PACRGL: variants seen among roughly 807,000 people sequenced by gnomAD.
PACRGL encodes the protein PACRG-like protein.
Under a neutral mutation model 34.5 loss-of-function variants are expected in PACRGL, and 38 were observed. The ratio of observed to expected loss-of-function variants is 1.10; its 90% confidence interval spans 0.85 to 1.44. The LOEUF (loss-of-function observed/expected upper bound fraction) is 1.44. Ranked by LOEUF, PACRGL falls within the 40% of genes most tolerant of loss-of-function variation. PACRGL has a pLI of 0.00. For synonymous variants in PACRGL, 128 were observed against 100.1 expected (o/e 1.28, Z -1.66); for missense variants, 305 against 281.4 (o/e 1.08, Z -0.60).
chr4:20,712,147 C>T (rs1737559629), intron 5 of PACRGL, among the ~76,000 whole-genome samples: 1 of 151,482 alleles, frequency 6.6e-6, no homozygotes, highest in Admixed American at 6.6e-5. Context: ...CTTTCCTTTT[C>T]CTCCTTCCAT....
At chr4:20,753,992 TGAGCAGG>T (rs1191725190), downstream of PACRGL, among the ~76,000 whole-genome samples, 1 of 152,148 alleles carries the variant, frequency 6.6e-6, no homozygotes, top group East Asian at 1.9e-4. Flanking sequence ...TCCTACAACA[TGAGCAGG>T]AATAGCCCAG....
intron 8 of PACRGL, among the ~76,000 whole-genome samples, chr4:20,737,948 G>A (rs951281110): frequency 4.6e-5 from 7 of 152,140 alleles, no homozygotes; most frequent in South Asian, 2.1e-4. Flanking sequence ...CCTGAGCAAC[G>A]CAGCCAGATC....
At chr4:20,712,369 G>A (rs868132949) in intron 5 of PACRGL, among the ~76,000 whole-genome samples, 5 of 149,074 alleles carry the variant, frequency 3.4e-5, no homozygotes, top group African/African-American at 9.9e-5. Flanking sequence ...ACTAGCTGCA[G>A]ATCGAAACTA....
chr4:20,740,794 A>G (rs991489748), intron 8 of PACRGL, among the ~76,000 whole-genome samples: 3 of 151,956 alleles, frequency 2.0e-5, no homozygotes, highest in African/African-American at 4.8e-5. Flanking sequence ...AGGATTGTCA[A>G]GATCCATCAG....
At chr4:20,710,156 G>T (rs1041431593) in intron 5 of PACRGL, among the ~76,000 whole-genome samples, 1 of 152,112 alleles carries the variant, frequency 6.6e-6, no homozygotes, top group African/African-American at 2.4e-5. Flanking sequence ...ACAACCAATC[G>T]TGTTGACATG....
intron 4 of PACRGL, 117 bp downstream of exon 4, chr4:20,707,987 A>G: frequency 5.1e-6 from 4 of 788,912 alleles, no homozygotes; most frequent in Non-Finnish European, 8.2e-6. Context: ...TGAAATAAAG[A>G]TGACTTTATT....
intron 8 of PACRGL, among the ~76,000 whole-genome samples, chr4:20,741,978 A>G (rs1285852517): frequency 6.6e-6 from 1 of 152,222 alleles, no homozygotes; most frequent in Non-Finnish European, 1.5e-5. Context: ...AGAAGAATGG[A>G]TAAATTCCTG....
Position 20,729,992 on chromosome 4 carries a change from G to T in PACRGL, c.*2651G>T. 7.0e-7 allele frequency: 1 copy of T among 1,436,436 alleles called. No homozygotes were observed. Among genetic ancestry groups the T allele is most frequent in the Non-Finnish European group, 9.3e-7 (1 of 1,071,826 alleles). 89.0% of individuals were successfully genotyped at this position (1,436,436 alleles called of 1,614,324 possible). The stretch of plus-strand genomic sequence containing the variant: ...GCATAATATGCTTCAGTGTCAAGCT[G>T]AGCAATCTATGCTAAAAGTGGTAGC... On this transcript the variant is annotated 3_prime_UTR_variant, in exon 9 of 9. Coordinates refer to ENST00000503585, the MANE Select transcript of PACRGL (RefSeq NM_001258345.3).
chr4:20,745,392 G>A (rs1752200044), intron 8 of PACRGL, among the ~76,000 whole-genome samples: 1 of 152,138 alleles, frequency 6.6e-6, no homozygotes, highest in Non-Finnish European at 1.5e-5. Context: ...GATGATATCA[G>A]TAAAGAGTTA....
At chr4:20,709,962 T>C (rs1430519159) in intron 5 of PACRGL, 189 bp downstream of exon 5, 2 of 502,424 alleles carry the variant, frequency 4.0e-6, no homozygotes, top group East Asian at 6.5e-5. Context: ...AATTGATTAA[T>C]GAGCTTTATA....
intron 8 of PACRGL, among the ~76,000 whole-genome samples, chr4:20,748,869 C>CGT (rs1423748834): frequency 2.3e-4 from 27 of 117,780 alleles, no homozygotes; most frequent in Middle Eastern, 4.9e-3. Context: ...ATATGAATTA[C>CGT]GTGTGTGTGT....
chr4:20,740,908 C>G (rs953251172), intron 8 of PACRGL, among the ~76,000 whole-genome samples: 2 of 152,060 alleles, frequency 1.3e-5, no homozygotes, highest in South Asian at 4.2e-4. Context: ...AAAAAAAAAG[C>G]AGGGGTTGCA....
At chr4:20,760,239 C>T in the PACRGL span, among the ~76,000 whole-genome samples, 381 of 152,216 alleles carry the variant, frequency 2.5e-3, 9 homozygotes, top group South Asian at 0.044. Flanking sequence ...AGCACTCCCA[C>T]GCCACCTAAC....
At chr4:20,727,033 C>G (rs1351257759) in intron 8 of PACRGL, among the ~76,000 whole-genome samples, 1 of 152,124 alleles carries the variant, frequency 6.6e-6, no homozygotes, top group Non-Finnish European at 1.5e-5. Flanking sequence ...GAATAAGTGA[C>G]TAGTAGATGC....
At chr4:20,761,800 C>A in the PACRGL span, among the ~76,000 whole-genome samples, 1 of 152,124 alleles carries the variant, frequency 6.6e-6, no homozygotes, top group African/African-American at 2.4e-5. Context: ...TCAGAGGAAA[C>A]CTTTTCTCTG....
Position 20,700,986 on chromosome 4 carries a change from T to C in PACRGL, c.-17+199T>C, listed in dbSNP as rs577136362. 2.5e-4 allele frequency among the ~76,000 whole-genome samples: 38 copies of C among 152,262 alleles called. No homozygotes were observed. The South Asian group carries it at 2.9e-3, about 12-fold the overall frequency. ...TAAGCAGATTGTGCGACCCTAATAC[T>C]GGCCCTTTGAATTTACTTTCTGGTA... On this transcript the variant is annotated intron_variant, in intron 1 of 8. Transcript: ENST00000503585.
downstream of PACRGL, chr4:20,734,743 G>C: frequency 6.7e-7 from 1 of 1,490,810 alleles, no homozygotes. Flanking sequence ...ATCCTGAAAA[G>C]AAATAAAAAT....
At chr4:20,714,914 C>G (rs1030056827) in intron 7 of PACRGL, among the ~76,000 whole-genome samples, 51 of 152,066 alleles carry the variant, frequency 3.4e-4, no homozygotes, top group African/African-American at 1.2e-3. Flanking sequence ...CCCAGCCATC[C>G]CATTACTGGG....
At position 20,731,615 on chromosome 4, in the gene PACRGL, G is replaced by A. The variant is rs1017935292; in HGVS notation, c.*4274G>A. ...AGATAGAAGCTTGGCCTGTTGTGAT[G>A]CCATACTTGGCTATCTAGGAATTCT... On this transcript the variant is annotated 3_prime_UTR_variant, in exon 9 of 9. Coordinates refer to ENST00000503585, the MANE Select transcript of PACRGL (RefSeq NM_001258345.3). The A allele has an allele frequency of 1.0e-6, 1 of 984,968 alleles. No homozygotes were observed. Among genetic ancestry groups the A allele is most frequent in the Admixed American group, 6.2e-5 (1 of 16,244 alleles). 61.0% of individuals were successfully genotyped at this position (984,968 alleles called of 1,614,324 possible).
Sources: gnomAD v4.1 joint callset for allele counts (sites outside exome capture counted in the v4.1 genomes callset) on GRCh38, gnomAD v4.1.1 for gene constraint, MANE v1.5 for transcripts, NCBI Gene and HGNC (gene_info 2026-07-23, HGNC 2026-07-21) for gene names.